The following RTEL1 variants were observed in gnomAD, a reference collection of about 807,000 sequenced individuals.
RTEL1 encodes the protein regulator of telomere elongation helicase 1.
RTEL1 carries 86 observed loss-of-function variants against 162.2 expected under a neutral mutation model. The ratio of observed to expected loss-of-function variants is 0.53; its 90% CI spans 0.45 to 0.63. The LOEUF (loss-of-function observed/expected upper bound fraction) is 0.63. RTEL1 is among the 30% of genes least tolerant of loss of function. RTEL1 has a pLI of 0.00. For synonymous variants in RTEL1, 958 were observed against 717.9 expected (o/e 1.33, Z -5.35); for missense variants, 1,941 against 1,750.2 (o/e 1.11, Z -1.95).
Position 63,689,531 on chromosome 20 carries a change from G to T in RTEL1, c.1908G>T (p.Thr636=), listed in dbSNP as rs779437642. 1 of 1,609,434 alleles carries T rather than the reference G, an allele frequency of 6.2e-7. No individual in the cohort carries two copies. Among genetic ancestry groups the T allele is most frequent in the Non-Finnish European group, 8.5e-7 (1 of 1,178,668 alleles). ...KASEGLDFSD[T]NGRGVIVTGL... ...GCGAGGGGCTGGACTTCTCAGACAC[G>T]AATGGCCGTGGTGTGATTGTCACGG... Residue 636 remains threonine (T), a synonymous_variant, in exon 23 of 35, where the codon ACG becomes ACT. Coordinates refer to ENST00000360203, the MANE Select transcript of RTEL1 (RefSeq NM_001283009.2).
In RTEL1 at chr20:63,661,608, CAAG is replaced by C. The variant is rs567026773; in HGVS notation, c.301+113_301+115del. 8.1e-4 allele frequency: 939 copies of C among 1,163,138 alleles called. 3 individuals are homozygous for C. Among genetic ancestry groups the C allele is most frequent in the South Asian group, 1.2e-3 (82 of 66,912 alleles). 72.1% of individuals were successfully genotyped at this position (1,163,138 alleles called of 1,614,324 possible). A position where few individuals can be genotyped will look rare whatever the true frequency, so the allele number is the denominator to read the frequency against. On this transcript the variant is annotated intron_variant, in intron 3 of 34. Transcript: ENST00000360203. This position sits in a 1 kb window ranked among gnomAD's most constrained non-coding sequence, Gnocchi z 5.1. ...CTCCTGCCGTCTCTCAAGCAGAACT[CAAG>C]GAGAATTTTTTAGCTGCTGTATAAT...
intron 12 of RTEL1, among the ~76,000 whole-genome samples, chr20:63,679,613 C>T (rs2090440970): frequency 2.0e-5 from 3 of 152,198 alleles, no homozygotes; most frequent in South Asian, 2.1e-4. Context: ...ATGCTGGCGT[C>T]CCCTGGAGGG....
chr20:63,685,852 C>T lies in RTEL1; in HGVS notation c.1328C>T (p.Thr443Ile). The part of the protein sequence containing the change: ...RTAQRSDAWS[T>I]TAARKRGKVL... ...GCTCAGCGGTCTGATGCCTGGAGCA[C>T]CACTGCAGCCAGAAAGCGAGGTACA... Residue 443 changes from threonine (T) to isoleucine (I), a missense_variant, in exon 16 of 35, where the codon ACC becomes ATC. Transcript: ENST00000360203. 6.2e-7 allele frequency: 1 copy of T among 1,612,634 alleles called. No individual in the cohort carries two copies. Among genetic ancestry groups the T allele is most frequent in the Non-Finnish European group, 8.5e-7 (1 of 1,179,916 alleles).
intron 13 of RTEL1, 136 bp downstream of exon 13, chr20:63,680,082 T>G (rs1246060863): frequency 6.3e-6 from 4 of 638,694 alleles, no homozygotes; most frequent in Non-Finnish European, 1.1e-5. Flanking sequence ...CCTCATCTTC[T>G]GATCGGGGCG....
intron 14 of RTEL1, among the ~76,000 whole-genome samples, chr20:63,683,521 C>T (rs2090521623): frequency 6.6e-6 from 1 of 152,236 alleles, no homozygotes; most frequent in Admixed American, 6.5e-5. Context: ...CGCACACACG[C>T]ACGCACGCCT....
chr20:63,663,720 T>C (rs1055321067), intron 6 of RTEL1, among the ~76,000 whole-genome samples: 3 of 152,206 alleles, frequency 2.0e-5, no homozygotes, highest in South Asian at 2.1e-4. Context: ...CCTGCCTCAG[T>C]TGGGGCTCAA....
rs779437642 is a variant in RTEL1 at position 63,689,531 on chromosome 20, G to A, written c.1908G>A (p.Thr636=). The change falls in exon 23 of 35, where the codon ACG becomes ACA. Residue 636 remains threonine, a synonymous_variant. Coordinates refer to ENST00000360203, the MANE Select transcript of RTEL1 (RefSeq NM_001283009.2). ...KASEGLDFSD[T]NGRGVIVTGL... ...GCGAGGGGCTGGACTTCTCAGACAC[G>A]AATGGCCGTGGTGTGATTGTCACGG... 19 of 1,609,316 alleles carry A rather than the reference G, an allele frequency of 1.2e-5. No homozygotes were observed. Among genetic ancestry groups the A allele is most frequent in the African/African-American group, 9.3e-5 (7 of 74,910 alleles).
chr20:63,689,788 C>A lies in RTEL1; in HGVS notation c.2064C>A (p.Ser688=), dbSNP rs763258090. The change falls in exon 24 of 35, where the codon TCC becomes TCA. Residue 688 remains serine, a synonymous_variant. Transcript: ENST00000360203. ...SGQEWYRQQA[S]RAVNQAIGRV... is the part of the protein sequence containing the mutation. ...AGGAGTGGTACCGGCAGCAGGCGTCCAGGGCTGTGAACCAGGCCATCGGGC... is the reference window on the plus strand; with the variant it reads ...AGGAGTGGTACCGGCAGCAGGCGTCAAGGGCTGTGAACCAGGCCATCGGGC... The A allele has an allele frequency of 6.2e-7, 1 of 1,612,258 alleles. No homozygotes were observed. The highest frequency in any genetic ancestry group is 8.5e-7 in the Non-Finnish European group (1 of 1,179,770).
At chr20:63,665,938 TCC>T in intron 6 of RTEL1, 64 bp from the exon 7 acceptor site, 1 of 1,476,178 alleles carries the variant, frequency 6.8e-7, no homozygotes, top group Non-Finnish European at 9.4e-7. Flanking sequence ...GTCCTGGGCA[TCC>T]CCCTGTGGTC....
chr20:63,692,251 G>A (rs776607056), intron 28 of RTEL1: 1 of 223,350 alleles, frequency 4.5e-6, no homozygotes, highest in Non-Finnish European at 9.0e-6. Context: ...CATGTCCCTT[G>A]GCTTCTGGGA....
chr20:63,690,668 C>G (rs941457340), intron 26 of RTEL1, 137 bp from the exon 27 acceptor site: 1 of 1,077,316 alleles, frequency 9.3e-7, no homozygotes. Context: ...GGCTGAGACT[C>G]CCCCCAATAG....
chr20:63,681,903 T>C (rs1601144032), intron 14 of RTEL1: 1 of 985,360 alleles, frequency 1.0e-6, no homozygotes, highest in Non-Finnish European at 1.2e-6. Context: ...CTGTGGCTCC[T>C]GCCTGCCAAG....
In RTEL1 at chr20:63,678,157, A is replaced by T. The variant is rs1272192046; in HGVS notation, c.932A>T (p.Glu311Val). 1 of 1,614,084 alleles carries T rather than the reference A, an allele frequency of 6.2e-7. No individual in the cohort carries two copies. The highest frequency in any genetic ancestry group is 1.1e-5 in the South Asian group (1 of 91,082). The change falls in exon 11 of 35, where the codon GAG becomes GTG. Residue 311 changes from glutamate to valine, a missense_variant. Transcript: ENST00000360203. ...TTCTCTTGCCCAGGGCTGAACATGG[A>T]GCTGGAAGACATTGCAAAGCTGAAG... ...ADSPSPGLNM[E>V]LEDIAKLKMI...
At chr20:63,682,738 GCCAGTGGCC>G in intron 14 of RTEL1, 2 of 966,108 alleles carry the variant, frequency 2.1e-6, no homozygotes. Context: ...GCAGAGTGGG[GCCAGTGGCC>G]CCAGGAAGAG....
At chr20:63,663,042 A>C (rs1004370450) in intron 6 of RTEL1, 153 bp downstream of exon 6, 2 of 724,882 alleles carry the variant, frequency 2.8e-6, no homozygotes, top group African/African-American at 3.5e-5. Flanking sequence ...GGGGCCACCC[A>C]TGTTAGACTT....
At chr20:63,694,532 C>T (rs1246983565) in intron 31 of RTEL1, 44 bp downstream of exon 31, 9 of 1,464,864 alleles carry the variant, frequency 6.1e-6, no homozygotes, top group East Asian at 4.6e-5. Flanking sequence ...CTTGGTGGGT[C>T]CCTCAGTGGC....
Position 63,687,776 on chromosome 20 carries a change from G to A in RTEL1, c.1481+6G>A, listed in dbSNP as rs1031727447. 8.9e-6 allele frequency: 14 copies of A among 1,565,502 alleles called. No individual in the cohort carries two copies. Among genetic ancestry groups the A allele is most frequent in the Non-Finnish European group, 1.2e-5 (14 of 1,155,848 alleles). ...TTTGCTCTGGAGATGCAGATGTACG[G>A]GCCACCCCTGCCAGGGCCTGAGCAC... On this transcript the variant is annotated splice_donor_region_variant and intron_variant, in intron 17 of 34. Coordinates refer to ENST00000360203, the MANE Select transcript of RTEL1 (RefSeq NM_001283009.2).
rs568626807 is a variant in RTEL1 at position 63,661,645 on chromosome 20, A to G, written c.301+149A>G. On this transcript the variant is annotated intron_variant, in intron 3 of 34. Transcript: ENST00000360203. The surrounding 1 kb of genome is among the most constrained non-coding windows in gnomAD (Gnocchi z 5.1). ...TTTAGCTGCTGTATAATTTCTCGCC[A>G]TCGTGGGTGTAAACCTAGGGTTGGG... The G allele has an allele frequency of 6.6e-5, 64 of 975,218 alleles. No individual in the cohort carries two copies. The Admixed American group carries it at 1.3e-3, about 20-fold the overall frequency. The allele number at this position is 975,218 out of a possible 1,614,324, so 60.4% of individuals were successfully genotyped here.
chr20:63,662,938 T>A (rs1377047883), intron 6 of RTEL1, 49 bp downstream of exon 6: 3 of 1,561,196 alleles, frequency 1.9e-6, no homozygotes, highest in Non-Finnish European at 2.6e-6. Context: ...GTGTGCAGCC[T>A]CTCAGGGTGG....
Sources: gnomAD v4.1 joint callset for allele counts (sites outside exome capture counted in the v4.1 genomes callset) on GRCh38, gnomAD v4.1.1 for gene constraint, Gnocchi (gnomAD v3.1) non-coding constraint, MANE v1.5 for transcripts, NCBI Gene and HGNC (gene_info 2026-07-23, HGNC 2026-07-21) for gene names.